CCDC148: variants seen among roughly 807,000 people sequenced by gnomAD.
CCDC148 encodes coiled-coil domain-containing protein 148.
Under a neutral mutation model 85.7 loss-of-function variants are expected in CCDC148, and 89 were observed. The observed-to-expected ratio is 1.04, with a 90% confidence interval of 0.87 to 1.24. CCDC148 has a LOEUF of 1.24. CCDC148 is among the 50% of genes most tolerant of loss of function. CCDC148 has a pLI of 0.00. For missense variants in CCDC148, 692 were observed against 671.7 expected (o/e 1.03, Z -0.33); for synonymous variants, 230 against 213.9 (o/e 1.08, Z -0.66).
intron 1 of CCDC148, among the ~76,000 whole-genome samples, chr2:158,448,901 C>G (rs1371771579): frequency 1.3e-5 from 2 of 152,122 alleles, no homozygotes; most frequent in Non-Finnish European, 2.9e-5. Flanking sequence ...AATCTCAGCT[C>G]ACTGCAACCT....
intron 11 of CCDC148, among the ~76,000 whole-genome samples, chr2:158,202,543 A>G (rs1427166095): frequency 6.6e-6 from 1 of 152,198 alleles, no homozygotes; most frequent in African/African-American, 2.4e-5. Flanking sequence ...TGGGGTCAGT[A>G]CACATTTTGT....
At chr2:158,438,521 C>T (rs546643600) in intron 1 of CCDC148, among the ~76,000 whole-genome samples, 13 of 152,012 alleles carry the variant, frequency 8.6e-5, no homozygotes, top group Non-Finnish European at 1.6e-4. Flanking sequence ...CCATAAAAAC[C>T]CTAGAAGAAA....
chr2:158,246,435 A>G (rs1688572628), intron 10 of CCDC148, among the ~76,000 whole-genome samples: 3 of 152,282 alleles, frequency 2.0e-5, no homozygotes, highest in Admixed American at 6.5e-5. Flanking sequence ...CTCCTTTCCT[A>G]CCTCAAACAC....
chr2:158,445,571 T>G (rs1312812980), intron 1 of CCDC148, among the ~76,000 whole-genome samples: 3 of 152,134 alleles, frequency 2.0e-5, no homozygotes, highest in Non-Finnish European at 4.4e-5. Flanking sequence ...TTCCAGTAAT[T>G]GGGGTAGACA....
chr2:158,262,509 C>G (rs1689274736), intron 9 of CCDC148, among the ~76,000 whole-genome samples: 1 of 151,916 alleles, frequency 6.6e-6, no homozygotes, highest in Admixed American at 6.6e-5. Flanking sequence ...CTGTATTAGT[C>G]TGTTTTCACG....
chr2:158,419,175 A>G (rs1057308011), intron 1 of CCDC148, among the ~76,000 whole-genome samples: 2 of 152,200 alleles, frequency 1.3e-5, no homozygotes, highest in African/African-American at 2.4e-5. Context: ...TCAGCTTTTA[A>G]TATTTGGAAA....
intron 1 of CCDC148, among the ~76,000 whole-genome samples, chr2:158,403,539 G>A (rs550599683): frequency 1.2e-4 from 18 of 152,072 alleles, no homozygotes; most frequent in Admixed American, 3.3e-4. Context: ...ACAATAAAGC[G>A]GTTCAGAAAC....
intron 5 of CCDC148, 92 bp from the exon 6 acceptor site, chr2:158,339,177 T>A: frequency 1.0e-6 from 1 of 1,000,720 alleles, no homozygotes; most frequent in Non-Finnish European, 1.5e-6. Context: ...CAAAAGCCAA[T>A]CAGTGATGAA....
At chr2:158,436,750 A>G (rs1052331043) in intron 1 of CCDC148, among the ~76,000 whole-genome samples, 1 of 152,194 alleles carries the variant, frequency 6.6e-6, no homozygotes, top group Non-Finnish European at 1.5e-5. Context: ...TAAAAAGAAA[A>G]GAGAGAAGAA....
At chr2:158,177,685 A>G (rs1000678058) in intron 12 of CCDC148, among the ~76,000 whole-genome samples, 2 of 152,192 alleles carry the variant, frequency 1.3e-5, no homozygotes, top group African/African-American at 4.8e-5. Context: ...TGTAGGATCC[A>G]GGATTACCAG....
chr2:158,435,629 T>C (rs985072954), intron 1 of CCDC148, among the ~76,000 whole-genome samples: 15 of 152,102 alleles, frequency 9.9e-5, no homozygotes, highest in Non-Finnish European at 1.8e-4. Context: ...ACAAACAATA[T>C]TAACTTTAAA....
At chr2:158,334,430 A>G (rs1389495504) in intron 7 of CCDC148, among the ~76,000 whole-genome samples, 2 of 71,748 alleles carry the variant, frequency 2.8e-5, no homozygotes, top group East Asian at 8.3e-4. Flanking sequence ...TACATGCTAG[A>G]CTGGAAACCA....
chr2:158,353,034 T>A (rs1399799058), intron 2 of CCDC148, among the ~76,000 whole-genome samples: 1 of 150,828 alleles, frequency 6.6e-6, no homozygotes, highest in Non-Finnish European at 1.5e-5. Context: ...GCTGAGAGAT[T>A]TTGTCACCAC....
intron 11 of CCDC148, among the ~76,000 whole-genome samples, chr2:158,184,774 T>G (rs892202191): frequency 6.6e-6 from 1 of 152,142 alleles, no homozygotes; most frequent in Non-Finnish European, 1.5e-5. Flanking sequence ...GCTACATAGC[T>G]TAGTCATTCT....
At chr2:158,449,600 C>G (rs953046631) in intron 1 of CCDC148, among the ~76,000 whole-genome samples, 3 of 152,128 alleles carry the variant, frequency 2.0e-5, no homozygotes, top group Admixed American at 6.5e-5. Context: ...AGGCACCCAC[C>G]ACCATGCCAA....
At chr2:158,251,589 T>G (rs1688795513) in intron 9 of CCDC148, among the ~76,000 whole-genome samples, 1 of 151,884 alleles carries the variant, frequency 6.6e-6, no homozygotes. Flanking sequence ...CACAGGAATG[T>G]GCACTACAGT....
At chr2:158,299,751 G>T (rs1382609450) in intron 9 of CCDC148, among the ~76,000 whole-genome samples, 1 of 152,152 alleles carries the variant, frequency 6.6e-6, no homozygotes, top group Non-Finnish European at 1.5e-5. Flanking sequence ...CATCTGATTT[G>T]TGAAACCTAA....
chr2:158,437,830 A>T (rs1687735684), intron 1 of CCDC148, among the ~76,000 whole-genome samples: 2 of 152,234 alleles, frequency 1.3e-5, no homozygotes, highest in Admixed American at 1.3e-4. Flanking sequence ...CTTATGTACC[A>T]ATAACAGACA....
Position 158,264,941 on chromosome 2 carries a change from T to A in CCDC148, c.1111-14029A>T, listed in dbSNP as rs571458644. Among the ~76,000 whole-genome samples, 9 of 152,242 alleles carry A rather than the reference T, an allele frequency of 5.9e-5. No homozygotes were observed. In the South Asian group the frequency reaches 1.7e-3, roughly 28 times the overall value. On this transcript the variant is annotated intron_variant, in intron 9 of 13. Transcript: ENST00000283233. ...GTTTTATGTTCAAGATTTAGCCAGT[T>A]TTACTTCTAAATGACAGCTCCACCA... is the stretch of plus-strand genomic sequence containing the variant.
Sources: gnomAD v4.1 joint callset for allele counts (sites outside exome capture counted in the v4.1 genomes callset) on GRCh38, gnomAD v4.1.1 for gene constraint, MANE v1.5 for transcripts, NCBI Gene and HGNC (gene_info 2026-07-23, HGNC 2026-07-21) for gene names.